Variants in NUDT2 observed in about 807,000 individuals in gnomAD.
NUDT2 encodes bis(5'-nucleosyl)-tetraphosphatase [asymmetrical].
In NUDT2, 12 loss-of-function variants were observed where a neutral mutation model predicts 14.2. That is an observed-to-expected ratio of 0.84 (90% CI 0.54 to 1.37). The LOEUF (loss-of-function observed/expected upper bound fraction) is 1.37, where lower values mean the gene tolerates loss of function less well. Among genes scored for constraint, NUDT2 ranks in the 40% most tolerant of loss-of-function variants. The pLI is 0.00. For missense variants in NUDT2, 167 were observed against 176.7 expected, an observed-to-expected ratio of 0.95 and a Z score of 0.31; for synonymous variants, 67 against 67.4, an observed-to-expected ratio of 0.99 and a Z score of 0.03.
chr9:34,330,649 G>A (rs1431741797), intron 1 of NUDT2, among the ~76,000 whole-genome samples: 1 of 152,198 alleles, frequency 6.6e-6, no homozygotes, highest in Non-Finnish European at 1.5e-5. Flanking sequence ...CACAACGCCT[G>A]GCGAGTAGTA....
At chr9:34,332,124 T>C (rs562947188) in intron 1 of NUDT2, among the ~76,000 whole-genome samples, 20 of 152,336 alleles carry the variant, frequency 1.3e-4, no homozygotes, top group African/African-American at 3.4e-4. Flanking sequence ...CTTTGTAAAA[T>C]GTCAGTCTGA....
chr9:34,343,014 TC>T, intron 4 of NUDT2, 109 bp from the exon 5 acceptor site: 1 of 967,742 alleles, frequency 1.0e-6, no homozygotes, highest in Non-Finnish European at 1.6e-6. Context: ...ACAGAGTGAG[TC>T]CCTGTCTCAA....
chr9:34,342,192 T>G (rs13293442), intron 4 of NUDT2, among the ~76,000 whole-genome samples: 53,293 of 151,912 alleles, frequency 0.35, 10,789 homozygotes, highest in South Asian at 0.57. Flanking sequence ...CCATCAAGAG[T>G]TTCCCTATGA....
At chr9:34,340,367 TGGA>T (rs1233156850) in intron 4 of NUDT2, among the ~76,000 whole-genome samples, 1 of 150,876 alleles carries the variant, frequency 6.6e-6, no homozygotes, top group African/African-American at 2.4e-5. Context: ...GTGGCAGGAG[TGGA>T]GGAGTGAGGA....
rs772730170 is a variant in NUDT2, at chr9:34,343,170, G to T, written c.174G>T (p.Glu58Asp). The stretch of plus-strand genomic sequence containing the variant: ...ATGACTTGGAAACAGCCCTGAGGGA[G>T]ACCCAAGAGGAAGCAGGCATAGAAG... ...GEDDLETALR[E>D]TQEEAGIEAG... Residue 58 changes from glutamate (E) to aspartate (D), a missense_variant, in exon 5 of 5, where the codon GAG becomes GAT. Physicochemically the swap from Glu to Asp is conservative, Grantham distance 45 (BLOSUM62 2). Coordinates refer to ENST00000379158, the MANE Select transcript of NUDT2 (RefSeq NM_001161.5). 7.4e-6 allele frequency: 12 copies of T among 1,614,006 alleles called. No homozygotes were observed. Among genetic ancestry groups the T allele is most frequent in the Non-Finnish European group, 1.0e-5 (12 of 1,180,032 alleles).
intron 1 of NUDT2, among the ~76,000 whole-genome samples, chr9:34,335,076 T>G (rs1381366847): frequency 1.3e-5 from 2 of 152,042 alleles, no homozygotes; most frequent in African/African-American, 4.8e-5. Flanking sequence ...TCCTACTGAA[T>G]TTCCTCCTTC....
At chr9:34,335,024 C>T (rs1838053790) in intron 1 of NUDT2, among the ~76,000 whole-genome samples, 1 of 152,170 alleles carries the variant, frequency 6.6e-6, no homozygotes, top group African/African-American at 2.4e-5. Flanking sequence ...TCTGGCTCAC[C>T]TTGTTGGTGA....
chr9:34,330,943 A>T (rs1248606389), intron 1 of NUDT2, among the ~76,000 whole-genome samples: 1 of 152,102 alleles, frequency 6.6e-6, no homozygotes, highest in African/African-American at 2.4e-5. Flanking sequence ...CCTGGGCGAC[A>T]GAGGGAGACT....
intron 1 of NUDT2, among the ~76,000 whole-genome samples, 179 bp from the exon 2 acceptor site, chr9:34,336,050 T>A (rs1463586905): frequency 6.6e-6 from 1 of 152,092 alleles, no homozygotes; most frequent in Non-Finnish European, 1.5e-5. Flanking sequence ...ATTGATTCCA[T>A]GGGACCTTCT....
intron 1 of NUDT2, among the ~76,000 whole-genome samples, chr9:34,330,820 G>C (rs567485128): frequency 1.4e-4 from 22 of 152,188 alleles, no homozygotes; most frequent in African/African-American, 4.8e-4. Flanking sequence ...AATTAGCCGG[G>C]CGTGGTGGCG....
chr9:34,330,936 G>A (rs553075889), intron 1 of NUDT2, among the ~76,000 whole-genome samples: 25 of 152,164 alleles, frequency 1.6e-4, no homozygotes, highest in African/African-American at 6.0e-4. Flanking sequence ...ACTCCAGCCT[G>A]GGCGACAGAG....
chr9:34,330,345 C>G (rs1837867818), intron 1 of NUDT2, among the ~76,000 whole-genome samples: 1 of 152,148 alleles, frequency 6.6e-6, no homozygotes, highest in African/African-American at 2.4e-5. Context: ...GCGGAGCTTG[C>G]AGTGAGCGGA....
At chr9:34,338,961 C>A (rs1024849847) in intron 3 of NUDT2, 63 bp from the exon 4 acceptor site, 23 of 1,406,796 alleles carry the variant, frequency 1.6e-5, no homozygotes, top group Non-Finnish European at 2.3e-5. Context: ...CAGATTGCTA[C>A]CCCCCAGTAT....
At chr9:34,331,934 G>A (rs1422435024) in intron 1 of NUDT2, among the ~76,000 whole-genome samples, 1 of 152,080 alleles carries the variant, frequency 6.6e-6, no homozygotes, top group Non-Finnish European at 1.5e-5. Flanking sequence ...TATCACTATT[G>A]TCCATTTTAC....
At chr9:34,338,096 G>A (rs1396521413) in intron 2 of NUDT2, among the ~76,000 whole-genome samples, 1 of 140,856 alleles carries the variant, frequency 7.1e-6, no homozygotes, top group African/African-American at 2.7e-5. Context: ...CCCAGGGAGA[G>A]GACCACTTCT....
chr9:34,343,285 G>C lies in NUDT2; in HGVS notation c.289G>C (p.Glu97Gln), dbSNP rs942774729. 6.2e-7 allele frequency: 1 copy of C among 1,612,098 alleles called. No homozygotes were observed. The stretch of plus-strand genomic sequence containing the variant: ...TAAAACAGTCATTTACTGGCTGGCG[G>C]AGGTGAAGGACTATGACGTGGAGAT... ...KPKTVIYWLA[E>Q]VKDYDVEIRL... Residue 97 changes from glutamate (E) to glutamine (Q), a missense_variant, in exon 5 of 5, where the codon GAG becomes CAG. Glu to Gln is a conservative substitution (Grantham distance 29, BLOSUM62 2). Coordinates refer to ENST00000379158, the MANE Select transcript of NUDT2 (RefSeq NM_001161.5).
intron 2 of NUDT2, among the ~76,000 whole-genome samples, 187 bp from the exon 3 acceptor site, chr9:34,338,526 A>C (rs938995732): frequency 6.8e-6 from 1 of 147,356 alleles, no homozygotes; most frequent in Non-Finnish European, 1.5e-5. Context: ...AAAAAAACTC[A>C]ACGAAATATT....
intron 1 of NUDT2, among the ~76,000 whole-genome samples, chr9:34,331,766 C>G (rs1271424306): frequency 6.6e-6 from 1 of 152,206 alleles, no homozygotes; most frequent in African/African-American, 2.4e-5. Context: ...TTAGACCCAT[C>G]TGTTCATTTA....
chr9:34,332,911 C>G (rs899083208), intron 1 of NUDT2, among the ~76,000 whole-genome samples: 7 of 152,138 alleles, frequency 4.6e-5, no homozygotes, highest in Admixed American at 4.6e-4. Flanking sequence ...TGCCTCATTT[C>G]TGTCCACTCC....
Sources: gnomAD v4.1 joint callset for allele counts (sites outside exome capture counted in the v4.1 genomes callset) on GRCh38, gnomAD v4.1.1 for gene constraint, MANE v1.5 for transcripts, NCBI Gene and HGNC (gene_info 2026-07-23, HGNC 2026-07-21) for gene names.